CEP350: variants seen among roughly 807,000 people sequenced by gnomAD.
CEP350 encodes centrosome-associated protein 350.
In CEP350, 126 loss-of-function variants were observed where a neutral mutation model predicts 331.8. That is an observed-to-expected ratio of 0.38 (90% CI 0.33 to 0.44). The LOEUF (loss-of-function observed/expected upper bound fraction) is 0.44. Ranked by LOEUF, CEP350 falls within the 20% of genes least tolerant of loss-of-function variation. The probability of loss-of-function intolerance (pLI) is 1.00; values close to 1 mark genes in which losing one functional copy is unlikely to be tolerated. For synonymous variants in CEP350, 1,200 were observed against 1,259.5 expected, an observed-to-expected ratio of 0.95 and a Z score of 1.00; for missense variants, 3,406 against 3,634.6, an observed-to-expected ratio of 0.94 and a Z score of 1.62.
At chr1:179,998,707 A>G (rs1230748383) in intron 6 of CEP350, among the ~76,000 whole-genome samples, 1 of 151,944 alleles carries the variant, frequency 6.6e-6, no homozygotes, top group Non-Finnish European at 1.5e-5. Flanking sequence ...TTTCTCTAAC[A>G]AGTTTTGCAG....
intron 5 of CEP350, among the ~76,000 whole-genome samples, chr1:179,993,769 G>GA (rs1329755198): frequency 5.9e-5 from 9 of 152,096 alleles, no homozygotes; most frequent in African/African-American, 1.9e-4. Flanking sequence ...TTTAAGAAAA[G>GA]AAAAAATACC....
chr1:180,032,063 T>G (rs558235562), intron 15 of CEP350, among the ~76,000 whole-genome samples: 24 of 152,242 alleles, frequency 1.6e-4, no homozygotes, highest in African/African-American at 5.8e-4. Context: ...ATCTCACTCT[T>G]ACTGATTATG....
chr1:179,978,382 G>T (rs1399053570), intron 1 of CEP350, among the ~76,000 whole-genome samples: 1 of 152,178 alleles, frequency 6.6e-6, no homozygotes, highest in Non-Finnish European at 1.5e-5. Flanking sequence ...TCACTTGTTT[G>T]TGTTGGGGAC....
At chr1:180,009,332 TTG>T (rs1030726655) in intron 8 of CEP350, among the ~76,000 whole-genome samples, 3 of 152,238 alleles carry the variant, frequency 2.0e-5, no homozygotes, top group Admixed American at 6.5e-5. Context: ...TTAAAAAGTA[TTG>T]TGTTTCATGT....
At chr1:180,031,527 A>ATT in intron 15 of CEP350, 33 bp downstream of exon 15, 1 of 1,008,182 alleles carries the variant, frequency 9.9e-7, no homozygotes, top group Non-Finnish European at 1.3e-6. Context: ...ATTTATATAT[A>ATT]ATTAAAGATA....
chr1:179,987,351 T>A, intron 3 of CEP350, 65 bp downstream of exon 3: 1 of 854,742 alleles, frequency 1.2e-6, no homozygotes, highest in South Asian at 1.5e-5. Context: ...TATGATTGAA[T>A]AGATTAAAAT....
chr1:179,998,777 A>G (rs1175540084), intron 6 of CEP350, among the ~76,000 whole-genome samples: 2 of 152,076 alleles, frequency 1.3e-5, no homozygotes, highest in Admixed American at 6.5e-5. Flanking sequence ...TACTGCATAC[A>G]GTTTTCGCCA....
chr1:180,050,163 A>G lies in CEP350; in HGVS notation c.4792+1458A>G, dbSNP rs562903951. Among the ~76,000 whole-genome samples the G allele has an allele frequency of 3.2e-3, 485 of 152,350 alleles. 1 individual carries two copies. The highest frequency in any genetic ancestry group is 0.01 in the Middle Eastern group (3 of 294). The stretch of plus-strand genomic sequence containing the variant: ...ATAAATCTAGGTGACGTTCGGTTTC[A>G]TGATGACTTCTTAGGTACGTAACAC... On this transcript the variant is annotated intron_variant, in intron 22 of 37. Transcript: ENST00000367607.
At chr1:180,042,311 CT>C (rs1315506927) in intron 19 of CEP350, among the ~76,000 whole-genome samples, 1 of 152,162 alleles carries the variant, frequency 6.6e-6, no homozygotes, top group Admixed American at 6.6e-5. Context: ...ATATTAGTTA[CT>C]GTCTTTTCTT....
intron 26 of CEP350, among the ~76,000 whole-genome samples, chr1:180,064,812 A>G (rs1288570900): frequency 6.6e-6 from 1 of 152,056 alleles, no homozygotes; most frequent in Non-Finnish European, 1.5e-5. Flanking sequence ...ATGTGCAGAT[A>G]CTAGATTACT....
At chr1:179,968,625 A>G (rs949239198) in intron 1 of CEP350, 6 of 387,332 alleles carry the variant, frequency 1.5e-5, no homozygotes, top group Non-Finnish European at 3.0e-5. Context: ...GGGTGCATAC[A>G]GTGTTGTTCT....
In CEP350 at chr1:180,021,381, C is replaced by T. The variant is rs960675117; in HGVS notation, c.3235+372C>T. 5.3e-5 allele frequency among the ~76,000 whole-genome samples: 8 copies of T among 152,210 alleles called. No homozygotes were observed. The South Asian group carries it at 8.3e-4, about 16-fold the overall frequency. On this transcript the variant is annotated intron_variant, in intron 12 of 37. Transcript: ENST00000367607. ...GTAGAAACTAAGTATAAACCAGGCG[C>T]GGTGGCTCATGCCTATAATCCCAGG...
Position 180,076,859 on chromosome 1 carries a change from A to AG in CEP350, c.5768-1603dup, listed in dbSNP as rs1336683129. 2.0e-5 allele frequency among the ~76,000 whole-genome samples: 3 copies of AG among 152,230 alleles called. No homozygotes were observed. In the East Asian group the frequency reaches 5.8e-4, roughly 29 times the overall value. ...ATAAACCTCAGATCATAGTAGCCATAGAAAGGAACTTTCTTTACCTGATAA... is the reference window on the plus strand; with the variant it reads ...ATAAACCTCAGATCATAGTAGCCATAGGAAAGGAACTTTCTTTACCTGATAA... On this transcript the variant is annotated intron_variant, in intron 28 of 37. Coordinates refer to ENST00000367607, the MANE Select transcript of CEP350 (RefSeq NM_014810.5).
In CEP350 at chr1:180,020,174, G is replaced by T. The variant is rs144586976; in HGVS notation, c.2400G>T (p.Val800=). The change falls in exon 12 of 38, where the codon GTG becomes GTT. Residue 800 remains valine (V), a synonymous_variant. Transcript: ENST00000367607. The part of the protein sequence containing the change: ...RPLTFTPQPY[V]TSPAAYTDAL... The stretch of plus-strand genomic sequence containing the variant: ...TAACTTTTACACCTCAACCATATGT[G>T]ACCTCACCAGCTGCTTATACAGATG... The T allele has an allele frequency of 6.2e-7, 1 of 1,613,838 alleles. No homozygotes were observed. Among genetic ancestry groups the T allele is most frequent in the African/African-American group, 1.3e-5 (1 of 74,934 alleles).
chr1:180,016,028 G>A (rs1654948167), intron 11 of CEP350, 58 bp downstream of exon 11: 2 of 1,591,452 alleles, frequency 1.3e-6, no homozygotes, highest in Admixed American at 1.7e-5. Context: ...TAGCGGAGTG[G>A]TCTATGTTCA....
At position 179,992,096 on chromosome 1, in the gene CEP350, T is replaced by C. The variant is rs759396884; in HGVS notation, c.270T>C (p.Ala90=). The stretch of plus-strand genomic sequence containing the variant: ...ACCTGGATGATTCTTGGGTTAATGC[T>C]CCAATCTCCAAATCCACTAAATCAC... ...GRYLDDSWVN[A]PISKSTKSRK... Residue 90 remains alanine (A), a synonymous_variant, in exon 5 of 38, where the codon GCT becomes GCC. Transcript: ENST00000367607. 4 of 1,555,444 alleles carry C rather than the reference T, an allele frequency of 2.6e-6. No individual in the cohort carries two copies. The highest frequency in any genetic ancestry group is 3.5e-6 in the Non-Finnish European group (4 of 1,152,746).
At chr1:179,991,982 T>A in intron 4 of CEP350, 80 bp from the exon 5 acceptor site, 1 of 1,351,936 alleles carries the variant, frequency 7.4e-7, no homozygotes, top group East Asian at 3.0e-5. Context: ...GATACCTAAT[T>A]TTTTTTTTAA....
chr1:179,982,937 C>T (rs1294520992), intron 1 of CEP350, among the ~76,000 whole-genome samples: 3 of 150,822 alleles, frequency 2.0e-5, no homozygotes, highest in South Asian at 2.1e-4. Context: ...ATTACAGGCA[C>T]CCGCCACCAT....
rs1393113971 is a variant in CEP350 at position 180,111,207 on chromosome 1, G to A, written c.*46G>A. ...CGCTGAGTGCTAATGTGAGTCCTGG[G>A]CCTTTCTGCCTCCTGATGTACACCC... On this transcript the variant is annotated 3_prime_UTR_variant, in exon 38 of 38. Coordinates refer to ENST00000367607, the MANE Select transcript of CEP350 (RefSeq NM_014810.5). 1.3e-6 allele frequency: 2 copies of A among 1,596,958 alleles called. No homozygotes were observed. The highest frequency in any genetic ancestry group is 1.7e-6 in the Non-Finnish European group (2 of 1,168,898).
Sources: gnomAD v4.1 joint callset for allele counts (sites outside exome capture counted in the v4.1 genomes callset) on GRCh38, gnomAD v4.1.1 for gene constraint, MANE v1.5 for transcripts, NCBI Gene and HGNC (gene_info 2026-07-23, HGNC 2026-07-21) for gene names.